AXIN1: variants seen among roughly 807,000 people sequenced by gnomAD.
The protein encoded by AXIN1 is axin 1, also known as axin-1.
In AXIN1, 30 loss-of-function variants were observed where a neutral mutation model predicts 76.4. That is an observed-to-expected ratio of 0.39 (90% CI 0.29 to 0.53). The LOEUF (loss-of-function observed/expected upper bound fraction) is 0.53, where lower values mean the gene tolerates loss of function less well. AXIN1 is among the 20% of genes least tolerant of loss of function. The pLI is 0.66. For missense variants in AXIN1, 1,140 were observed against 1,198.8 expected, an observed-to-expected ratio of 0.95 and a Z score of 0.72; for synonymous variants, 545 against 501.4, an observed-to-expected ratio of 1.09 and a Z score of -1.16.
In AXIN1 at chr16:293,157, G is replaced by A. The variant is rs979195981; in HGVS notation, c.2186+331C>T. On this transcript the variant is annotated intron_variant, in intron 8 of 10. Coordinates refer to ENST00000262320, the MANE Select transcript of AXIN1 (RefSeq NM_003502.4). The surrounding 1 kb of genome is among the most constrained non-coding windows in gnomAD (Gnocchi z 4.6). ...AGCCCAGGCTGCCCAGCAGCGAGCA[G>A]CCTCTGGCTGGGGACCGGCGTTCCC... The A allele has an allele frequency of 2.3e-6, 1 of 432,112 alleles. No individual in the cohort carries two copies. The highest frequency in any genetic ancestry group is 3.7e-5 in the Admixed American group (1 of 27,246). 26.8% of individuals were successfully genotyped at this position (432,112 alleles called of 1,614,324 possible).
intron 3 of AXIN1, among the ~76,000 whole-genome samples, chr16:313,466 G>A (rs938300938): frequency 4.6e-5 from 7 of 152,254 alleles, no homozygotes; most frequent in Non-Finnish European, 1.0e-4. Context: ...AAGCGGGAAA[G>A]ACATCTGGGA....
Position 346,244 on chromosome 16 carries a change from G to C in AXIN1, c.782C>G (p.Ala261Gly), listed in dbSNP as rs551137163. ...QDMDEDDGRD[A>G]APPGRLPQKL... is the part of the protein sequence containing the mutation. ...CTGAGGGAGTCTTCCGGGGGGAGCA[G>C]CGTCTCTGCCATCGTCCTCATCCAT... The change falls in exon 2 of 11, where the codon GCT becomes GGT. Residue 261 changes from alanine to glycine, a missense_variant. Ala to Gly is a moderately conservative substitution (Grantham distance 60). Around this residue, in one of 3 missense-constraint regions of AXIN1, gnomAD observed 708 missense variants for 776.9 expected, o/e 0.91. Coordinates refer to ENST00000262320, the MANE Select transcript of AXIN1 (RefSeq NM_003502.4). 9.9e-6 allele frequency: 16 copies of C among 1,614,182 alleles called. No homozygotes were observed. The South Asian group carries it at 1.6e-4, about 17-fold the overall frequency.
At chr16:290,876 AG>A (rs926008087) in intron 9 of AXIN1, 9 of 465,126 alleles carry the variant, frequency 1.9e-5, no homozygotes, top group African/African-American at 1.8e-4. Flanking sequence ...GTGGAGGCGC[AG>A]GCAGGTCTCT....
intron 2 of AXIN1, among the ~76,000 whole-genome samples, chr16:334,539 A>AGCACCCAGTACCACG (rs1567299131): frequency 8.6e-6 from 1 of 116,736 alleles, no homozygotes; most frequent in African/African-American, 4.6e-5. Flanking sequence ...CCAGTACCAC[A>AGCACCCAGTACCACG]GCATGCCAAT....
rs57147459 is a variant in AXIN1 at position 336,816 on chromosome 16, CAAAAAAAAAA to C, written c.878+9322_878+9331del. ...TGGGCAACAGAGCAAGACTCCGCCT[CAAAAAAAAAA>C]AAAAAAAACAAAACATAAATACAAG... On this transcript the variant is annotated intron_variant, in intron 2 of 10. Transcript: ENST00000262320. Among the ~76,000 whole-genome samples, 60 of 77,084 alleles carry C rather than the reference CAAAAAAAAAA, an allele frequency of 7.8e-4. No individual in the cohort carries two copies. The South Asian group carries it at 0.024, about 31-fold the overall frequency. The allele number at this position is 77,084 out of a possible 152,430, so 50.6% of individuals were successfully genotyped here.
In AXIN1 at chr16:346,287, A is replaced by G. The variant is rs2054032735; in HGVS notation, c.739T>C (p.Trp247Arg). 1 of 1,614,000 alleles carries G rather than the reference A, an allele frequency of 6.2e-7. No homozygotes were observed. Among genetic ancestry groups the G allele is most frequent in the African/African-American group, 1.3e-5 (1 of 74,910 alleles). Residue 247 changes from tryptophan to arginine, a missense_variant, in exon 2 of 11, where the codon TGG (tryptophan) becomes CGG (arginine). Trp to Arg is a moderately radical substitution (Grantham distance 101, BLOSUM62 -3). Transcript: ENST00000262320. ...YLPTLNEDEE[W>R]KCDQDMDEDD... ...TCATCCATGTCCTGGTCACACTTCC[A>G]TTCCTCATCTTCATTTAAGGTCGGC...
chr16:301,075 C>T (rs1003699969), intron 5 of AXIN1, among the ~76,000 whole-genome samples: 1 of 151,908 alleles, frequency 6.6e-6, no homozygotes, highest in African/African-American at 2.4e-5. Context: ...TCGAGACCAT[C>T]CTGGCTAACA....
chr16:330,017 C>T (rs2053663034), intron 2 of AXIN1, among the ~76,000 whole-genome samples: 2 of 151,698 alleles, frequency 1.3e-5, no homozygotes, highest in Non-Finnish European at 2.9e-5. Flanking sequence ...CCTCCCGCCT[C>T]GACCTTCCAA....
intron 3 of AXIN1, among the ~76,000 whole-genome samples, chr16:311,765 C>T (rs1161904283): frequency 2.0e-5 from 3 of 151,972 alleles, no homozygotes; most frequent in Non-Finnish European, 4.4e-5. Context: ...AGCAAGACTA[C>T]GTCTCAAAAA....
chr16:320,620 G>T (rs189486815), intron 2 of AXIN1, among the ~76,000 whole-genome samples: 84 of 149,168 alleles, frequency 5.6e-4, no homozygotes, highest in African/African-American at 1.9e-3. Flanking sequence ...AAATTACTAA[G>T]TACACTCAAG....
At chr16:296,088 A>G (rs2052704097) in intron 7 of AXIN1, among the ~76,000 whole-genome samples, 1 of 152,218 alleles carries the variant, frequency 6.6e-6, no homozygotes, top group Non-Finnish European at 1.5e-5. Context: ...CAACACACTG[A>G]GACCCCCTCT....
Position 346,888 on chromosome 16 carries a change from G to A in AXIN1, c.138C>T (p.Ser46=), listed in dbSNP as rs375663435. 6.2e-6 allele frequency: 10 copies of A among 1,613,626 alleles called. No homozygotes were observed. Among genetic ancestry groups the A allele is most frequent in the African/African-American group, 5.3e-5 (4 of 74,952 alleles). Residue 46 remains serine (S), a synonymous_variant, in exon 2 of 11, where the codon TCC becomes TCT. Transcript: ENST00000262320. ...CACCTTTAATGCCAACACCTTTCCC[G>A]GAGCAGAAACTGTAGCTGGCGGGCC... ...DPRPASYSFC[S]GKGVGIKGET...
intron 1 of AXIN1, among the ~76,000 whole-genome samples, chr16:348,714 G>A (rs1306160566): frequency 6.6e-6 from 1 of 152,058 alleles, no homozygotes; most frequent in Non-Finnish European, 1.5e-5. Context: ...GAGGCAAGAG[G>A]ATCACTTGAC....
At position 293,768 on chromosome 16, in the gene AXIN1, G is replaced by A. The variant is rs1404588543; in HGVS notation, c.1956-50C>T. 1.3e-6 allele frequency: 2 copies of A among 1,561,546 alleles called. No individual in the cohort carries two copies. The highest frequency in any genetic ancestry group is 2.2e-5 in the East Asian group (1 of 44,598). On this transcript the variant is annotated intron_variant, in intron 7 of 10. Coordinates refer to ENST00000262320, the MANE Select transcript of AXIN1 (RefSeq NM_003502.4). This position sits in a 1 kb window ranked among gnomAD's most constrained non-coding sequence, Gnocchi z 4.6. ...TGACTGTGGCCGACACCCTGGCCAG[G>A]TGGCCTGGTGGGGCTACACTCATCT...
At chr16:317,377 C>T (rs980734487) in intron 2 of AXIN1, among the ~76,000 whole-genome samples, 1 of 152,282 alleles carries the variant, frequency 6.6e-6, no homozygotes, top group African/African-American at 2.4e-5. Context: ...TTCATACGAA[C>T]AGTGCTGGTG....
Position 339,196 on chromosome 16 carries a change from CAAAAAAA to C in AXIN1, c.878+6945_878+6951del, listed in dbSNP as rs1002630324. On this transcript the variant is annotated intron_variant, in intron 2 of 10. Transcript: ENST00000262320. The stretch of plus-strand genomic sequence containing the variant: ...AGTTCAAAACCAGCCAGCCTGGTCT[CAAAAAAA>C]AAAAAAAAAAAAAAAAAAGGCCGGG... Among the ~76,000 whole-genome samples, 280 of 34,668 alleles carry C rather than the reference CAAAAAAA, an allele frequency of 8.1e-3. 1 individual carries two copies. Among genetic ancestry groups the C allele is most frequent in the African/African-American group, 0.03 (259 of 8,556 alleles). The allele number at this position is 34,668 out of a possible 152,430, so 22.7% of individuals were successfully genotyped here.
intron 3 of AXIN1, among the ~76,000 whole-genome samples, chr16:313,609 C>A (rs2053233016): frequency 6.6e-6 from 1 of 152,138 alleles, no homozygotes; most frequent in African/African-American, 2.4e-5. Flanking sequence ...CGGCCCCAGC[C>A]CTGGCTAGGA....
chr16:336,124 A>G (rs1313648369), intron 2 of AXIN1, among the ~76,000 whole-genome samples: 3 of 152,108 alleles, frequency 2.0e-5, no homozygotes, highest in Non-Finnish European at 4.4e-5. Context: ...AATCCCAGCT[A>G]CTCGGGAGGC....
At position 314,582 on chromosome 16, in the gene AXIN1, G is replaced by C. The variant is rs1462252334; in HGVS notation, c.980C>G (p.Ser327Cys). 1 of 1,613,942 alleles carries C rather than the reference G, an allele frequency of 6.2e-7. No homozygotes were observed. Among genetic ancestry groups the C allele is most frequent in the Non-Finnish European group, 8.5e-7 (1 of 1,179,948 alleles). Residue 327 changes from serine (S) to cysteine (C), a missense_variant, in exon 3 of 11, where the codon TCC becomes TGC. By Grantham distance (112) the Ser-to-Cys change is moderately radical. This residue lies in a region of AXIN1 where 708 missense variants were observed against 776.9 expected (regional missense o/e 0.91). Transcript: ENST00000262320. ...SANDSEQQSL[S>C]SDADTLSLTD... ...GAGGGACAGGGTGTCTGCATCGCTG[G>C]ACAGGCTCTGCTGCTCGCTGTCGTT...
Sources: allele counts gnomAD v4.1 joint callset (sites outside exome capture counted in the v4.1 genomes callset), GRCh38; gene constraint gnomAD v4.1.1; regional missense constraint gnomAD v4.1.1; non-coding constraint Gnocchi (gnomAD v3.1); transcripts MANE v1.5; gene names NCBI Gene and HGNC (gene_info 2026-07-23, HGNC 2026-07-21).